DACH1: variants seen among roughly 807,000 people sequenced by gnomAD.
DACH1 encodes dachshund family transcription factor 1.
In DACH1, 12 loss-of-function variants were observed where a neutral mutation model predicts 54.2. The observed-to-expected ratio is 0.22, with a 90% CI of 0.14 to 0.36. The LOEUF (loss-of-function observed/expected upper bound fraction) is 0.36, where lower values mean the gene tolerates loss of function less well. Ranked by LOEUF, DACH1 falls within the 10% of genes least tolerant of loss-of-function variation. The pLI, the probability that DACH1 is intolerant of heterozygous loss-of-function variation, is 1.00. For missense variants in DACH1, 805 were observed against 929.8 expected (o/e 0.87, Z 1.75); for synonymous variants, 386 against 366.2 (o/e 1.05, Z -0.62).
chr13:71,526,132 C>T (rs1881937660), intron 6 of DACH1, among the ~76,000 whole-genome samples: 1 of 152,082 alleles, frequency 6.6e-6, no homozygotes, highest in African/African-American at 2.4e-5. Context: ...CAGCACTTTT[C>T]CTTTTATTAT....
intron 1 of DACH1, among the ~76,000 whole-genome samples, chr13:71,735,252 TATACGTGTATATGGG>T (rs1555316385): frequency 1.0e-5 from 1 of 98,202 alleles, no homozygotes; most frequent in African/African-American, 2.7e-5. Flanking sequence ...GTATATGGGA[TATACGTGTATATGGG>T]ATACACGTAT....
rs142236151 is a variant in DACH1 at position 71,528,831 on chromosome 13, A to C, written c.1570+28193T>G. 1.4e-3 allele frequency among the ~76,000 whole-genome samples: 211 copies of C among 152,242 alleles called. 1 individual carries two copies. Among genetic ancestry groups the C allele is most frequent in the Middle Eastern group, 3.4e-3 (1 of 294 alleles). On this transcript the variant is annotated intron_variant, in intron 6 of 10. Coordinates refer to ENST00000613252, the MANE Select transcript of DACH1 (RefSeq NM_080759.6). ...AGATTGGAGATAACCTACCTACAAA[A>C]CAGAGTACTGTCTCACACTAAATGT...
At chr13:71,447,696 G>T (rs2138107662) in intron 10 of DACH1, among the ~76,000 whole-genome samples, 1 of 151,972 alleles carries the variant, frequency 6.6e-6, no homozygotes, top group East Asian at 1.9e-4. Context: ...AGCTGGATGT[G>T]GTGGCACACG....
At chr13:71,541,681 C>T (rs1883135314) in intron 6 of DACH1, among the ~76,000 whole-genome samples, 1 of 151,778 alleles carries the variant, frequency 6.6e-6, no homozygotes, top group Non-Finnish European at 1.5e-5. Flanking sequence ...GAGAAGTCTG[C>T]CATAATCAAA....
At chr13:71,547,698 C>G (rs1341973086) in intron 6 of DACH1, among the ~76,000 whole-genome samples, 1 of 152,074 alleles carries the variant, frequency 6.6e-6, no homozygotes, top group Admixed American at 6.6e-5. Flanking sequence ...TTTAAAATAC[C>G]TTCAAAATAT....
chr13:71,661,303 T>C (rs1038798241), intron 2 of DACH1, among the ~76,000 whole-genome samples: 2 of 151,582 alleles, frequency 1.3e-5, no homozygotes, highest in African/African-American at 4.8e-5. Flanking sequence ...ATTTAATTTT[T>C]ATTAGGTAAA....
chr13:71,749,856 G>A (rs970870539), intron 1 of DACH1, among the ~76,000 whole-genome samples: 1 of 152,162 alleles, frequency 6.6e-6, no homozygotes, highest in Non-Finnish European at 1.5e-5. Context: ...AGCATCATGA[G>A]GGTGAGAGGT....
intron 10 of DACH1, among the ~76,000 whole-genome samples, chr13:71,461,321 C>G (rs1269622328): frequency 6.6e-6 from 1 of 152,008 alleles, no homozygotes; most frequent in Non-Finnish European, 1.5e-5. Flanking sequence ...TAGGAGAAGT[C>G]ATCGCATTCA....
At chr13:71,633,578 C>T (rs1412841540) in intron 2 of DACH1, among the ~76,000 whole-genome samples, 1 of 150,852 alleles carries the variant, frequency 6.6e-6, no homozygotes, top group Non-Finnish European at 1.5e-5. Context: ...AATACAAAGT[C>T]CAAAAGATAT....
At chr13:71,706,792 A>T (rs1159760099) in intron 1 of DACH1, among the ~76,000 whole-genome samples, 1 of 152,192 alleles carries the variant, frequency 6.6e-6, no homozygotes, top group Non-Finnish European at 1.5e-5. Context: ...ATTAAAGTCA[A>T]GTTAATACTG....
At chr13:71,783,970 A>C (rs969612865) in intron 1 of DACH1, among the ~76,000 whole-genome samples, 5 of 150,644 alleles carry the variant, frequency 3.3e-5, no homozygotes, top group African/African-American at 9.8e-5. Flanking sequence ...GGTTTAAAAA[A>C]AAAAAAAAAA....
At chr13:71,828,153 T>C (rs575232881) in intron 1 of DACH1, among the ~76,000 whole-genome samples, 2 of 152,130 alleles carry the variant, frequency 1.3e-5, no homozygotes, top group Admixed American at 6.6e-5. Flanking sequence ...GATTTATATA[T>C]AAATTAGCTT....
rs979351764 is a variant in DACH1, at chr13:71,748,490, C to T, written c.849-66580G>A. ...GGGAACCCAGTGGAGGGTCTGCTTG[C>T]TTCGCTAGAATGATATTCCTGTTGC... On this transcript the variant is annotated intron_variant, in intron 1 of 10. Transcript: ENST00000613252. Among the ~76,000 whole-genome samples the T allele has an allele frequency of 3.3e-5, 5 of 152,274 alleles. No homozygotes were observed. The South Asian group carries it at 6.2e-4, about 19-fold the overall frequency.
rs552329031 is a variant in DACH1 at position 71,711,500 on chromosome 13, G to A, written c.849-29590C>T. 2.7e-4 allele frequency among the ~76,000 whole-genome samples: 41 copies of A among 152,178 alleles called. No individual in the cohort carries two copies. The East Asian group carries it at 7.7e-3, about 29-fold the overall frequency. On this transcript the variant is annotated intron_variant, in intron 1 of 10. Coordinates refer to ENST00000613252, the MANE Select transcript of DACH1 (RefSeq NM_080759.6). Reference sequence around the variant, plus strand: ...TCTGCTACCTGATTCGGTTACTCAAGCAGTCCTTTTTATTCAGAAGTGATC... The same window carrying A: ...TCTGCTACCTGATTCGGTTACTCAAACAGTCCTTTTTATTCAGAAGTGATC...
At chr13:71,580,931 C>T (rs985180429) in intron 3 of DACH1, among the ~76,000 whole-genome samples, 2 of 152,042 alleles carry the variant, frequency 1.3e-5, no homozygotes, top group African/African-American at 4.8e-5. Context: ...ACAAATCTTA[C>T]ACTGTCACTC....
At chr13:71,645,034 G>A (rs1248608274) in intron 2 of DACH1, among the ~76,000 whole-genome samples, 3 of 152,106 alleles carry the variant, frequency 2.0e-5, no homozygotes, top group Admixed American at 6.5e-5. Flanking sequence ...ACGGTGTTTC[G>A]AAAAATGTGG....
At chr13:71,518,267 G>C (rs1051570292) in intron 6 of DACH1, among the ~76,000 whole-genome samples, 19 of 151,740 alleles carry the variant, frequency 1.3e-4, no homozygotes, top group African/African-American at 4.6e-4. Flanking sequence ...GCATCATGGA[G>C]GTACATGCAC....
chr13:71,459,520 T>A (rs1442407780), intron 10 of DACH1, among the ~76,000 whole-genome samples: 1 of 151,948 alleles, frequency 6.6e-6, no homozygotes, highest in Non-Finnish European at 1.5e-5. Flanking sequence ...TTTTATGGGA[T>A]GTCTTTATAT....
chr13:71,584,091 G>A (rs1190363118), intron 3 of DACH1, among the ~76,000 whole-genome samples: 4 of 152,080 alleles, frequency 2.6e-5, no homozygotes, highest in African/African-American at 9.7e-5. Flanking sequence ...ATATACAGAT[G>A]CTCTCATTTA....
Sources: allele counts gnomAD v4.1 joint callset (sites outside exome capture counted in the v4.1 genomes callset), GRCh38; gene constraint gnomAD v4.1.1; transcripts MANE v1.5; gene names NCBI Gene and HGNC (gene_info 2026-07-23, HGNC 2026-07-21).